The following L3MBTL4 variants were observed in gnomAD, a reference collection of about 807,000 sequenced individuals.
The protein encoded by L3MBTL4 is lethal(3)malignant brain tumor-like protein 4.
In L3MBTL4, 70 loss-of-function variants were observed where a neutral mutation model predicts 84.5. The observed-to-expected ratio is 0.83, with a 90% CI of 0.68 to 1.01. The LOEUF is 1.01. L3MBTL4 is among the 50% of genes least tolerant of loss of function. L3MBTL4 has a pLI of 0.00. For synonymous variants in L3MBTL4, 274 were observed against 259.8 expected (o/e 1.05, Z -0.52); for missense variants, 715 against 754.8 (o/e 0.95, Z 0.62).
At chr18:6,286,125 C>G (rs975630320) in intron 4 of L3MBTL4, among the ~76,000 whole-genome samples, 2 of 151,738 alleles carry the variant, frequency 1.3e-5, no homozygotes, top group Non-Finnish European at 2.9e-5. Context: ...CCACCATGCC[C>G]GGCCTGAACT....
At chr18:6,202,239 G>T (rs1468268204) in intron 12 of L3MBTL4, among the ~76,000 whole-genome samples, 1 of 152,122 alleles carries the variant, frequency 6.6e-6, no homozygotes, top group Non-Finnish European at 1.5e-5. Flanking sequence ...AGGGCTACCC[G>T]ATTTGTGAAT....
intron 4 of L3MBTL4, among the ~76,000 whole-genome samples, chr18:6,271,241 T>A (rs1369700386): frequency 6.6e-6 from 1 of 152,312 alleles, no homozygotes; most frequent in Non-Finnish European, 1.5e-5. Context: ...ATTTCAAATG[T>A]CCTCTCTGCA....
At chr18:6,206,325 T>C (rs2045874937) in intron 12 of L3MBTL4, among the ~76,000 whole-genome samples, 1 of 152,238 alleles carries the variant, frequency 6.6e-6, no homozygotes, top group South Asian at 2.1e-4. Flanking sequence ...CAACTAGTGC[T>C]ACATCATCAT....
rs71370550 is a variant in L3MBTL4, at chr18:6,318,494, TAAAAAA to T, written c.-90-6444_-90-6439del. ...AAAACAGACTTTCAAACAACAATAG[TAAAAAA>T]AAAAAAAAAAAAAAAAAAAAAAAAA... On this transcript the variant is annotated intron_variant, in intron 1 of 18. Coordinates refer to ENST00000317931, the MANE Select transcript of L3MBTL4 (RefSeq NM_001330559.2). Among the ~76,000 whole-genome samples the T allele has an allele frequency of 1.3e-3, 18 of 14,200 alleles. No individual in the cohort carries two copies. In the South Asian group the frequency reaches 0.019, roughly 15 times the overall value. The allele number at this position is 14,200 out of a possible 152,430, so 9.3% of individuals were successfully genotyped here.
intron 1 of L3MBTL4, among the ~76,000 whole-genome samples, chr18:6,375,981 C>T (rs1599831968): frequency 6.6e-6 from 1 of 152,286 alleles, no homozygotes; most frequent in South Asian, 2.1e-4. Context: ...AAGAACTCAT[C>T]CCTGCCCTGC....
chr18:6,348,212 A>G (rs1399073995), intron 1 of L3MBTL4, among the ~76,000 whole-genome samples: 2 of 152,098 alleles, frequency 1.3e-5, no homozygotes, highest in Non-Finnish European at 2.9e-5. Flanking sequence ...AAAGGTGACA[A>G]TTATGCCCAA....
At chr18:6,407,632 C>A (rs2055789853) in intron 1 of L3MBTL4, among the ~76,000 whole-genome samples, 1 of 151,990 alleles carries the variant, frequency 6.6e-6, no homozygotes, top group African/African-American at 2.4e-5. Context: ...TCAATAGAAC[C>A]CAAAGTCTTA....
intron 16 of L3MBTL4, among the ~76,000 whole-genome samples, chr18:6,071,987 A>C (rs1334429400): frequency 6.6e-6 from 1 of 152,168 alleles, no homozygotes; most frequent in African/African-American, 2.4e-5. Context: ...AAAGGACGGA[A>C]ATAAATATAA....
intron 1 of L3MBTL4, chr18:6,367,735 C>G (rs2053995913): frequency 6.6e-6 from 1 of 152,350 alleles, no homozygotes; most frequent in Non-Finnish European, 1.5e-5. Flanking sequence ...CACCCACTTC[C>G]AGATTTCCCA....
intron 5 of L3MBTL4, among the ~76,000 whole-genome samples, chr18:6,252,604 G>T (rs1047087482): frequency 2.0e-5 from 3 of 152,154 alleles, no homozygotes; most frequent in African/African-American, 7.2e-5. Flanking sequence ...AAATGACATA[G>T]TAATTCTTAA....
At chr18:6,133,036 T>C (rs1048874650) in intron 14 of L3MBTL4, among the ~76,000 whole-genome samples, 2 of 152,068 alleles carry the variant, frequency 1.3e-5, no homozygotes, top group Non-Finnish European at 2.9e-5. Context: ...AATACCATGG[T>C]GTGACGAACT....
intron 1 of L3MBTL4, among the ~76,000 whole-genome samples, chr18:6,385,389 G>A (rs1599862937): frequency 1.3e-5 from 2 of 152,144 alleles, no homozygotes; most frequent in South Asian, 2.1e-4. Flanking sequence ...GTGACAGAGC[G>A]AGACCCTGTC....
At chr18:6,128,440 A>G (rs17486103) in intron 14 of L3MBTL4, among the ~76,000 whole-genome samples, 22,143 of 152,162 alleles carry the variant, frequency 0.15, 1,729 homozygotes, top group Middle Eastern at 0.21. Flanking sequence ...GATAAATTAA[A>G]AAAAGCCCTA....
At chr18:6,348,730 T>C (rs1414367447) in intron 1 of L3MBTL4, among the ~76,000 whole-genome samples, 1 of 152,116 alleles carries the variant, frequency 6.6e-6, no homozygotes, top group Non-Finnish European at 1.5e-5. Flanking sequence ...ATTATGACCA[T>C]CTGTTCATTA....
In L3MBTL4 at chr18:6,124,317, G is replaced by A. The variant is rs182614448; in HGVS notation, c.1199+13877C>T. ...AATACTCAGAGGAAAAAATGGTCTC[G>A]TACAAAGGAGGACATTAGTCTCAAA... On this transcript the variant is annotated intron_variant, in intron 14 of 18. Coordinates refer to ENST00000317931, the MANE Select transcript of L3MBTL4 (RefSeq NM_001330559.2). Among the ~76,000 whole-genome samples, 21 of 151,434 alleles carry A rather than the reference G, an allele frequency of 1.4e-4. No individual in the cohort carries two copies. The East Asian group carries it at 1.9e-3, about 14-fold the overall frequency.
chr18:6,032,870 T>C (rs1238315081), intron 16 of L3MBTL4, among the ~76,000 whole-genome samples: 1 of 152,214 alleles, frequency 6.6e-6, no homozygotes, highest in Non-Finnish European at 1.5e-5. Context: ...TATGTGCAAA[T>C]TGCCTTCCTT....
intron 16 of L3MBTL4, among the ~76,000 whole-genome samples, chr18:5,971,992 T>C (rs1663747302): frequency 6.6e-6 from 1 of 152,204 alleles, no homozygotes; most frequent in Non-Finnish European, 1.5e-5. Flanking sequence ...ATCAAACTAT[T>C]TGAAGGGAAG....
At chr18:6,310,270 A>T (rs1395274367) in intron 3 of L3MBTL4, among the ~76,000 whole-genome samples, 1 of 152,220 alleles carries the variant, frequency 6.6e-6, no homozygotes, top group African/African-American at 2.4e-5. Flanking sequence ...GACACCTCTT[A>T]AATAGAAAGT....
Position 6,128,036 on chromosome 18 carries a change from G to C in L3MBTL4, c.1199+10158C>G, listed in dbSNP as rs200363801. 4.4e-4 allele frequency among the ~76,000 whole-genome samples: 60 copies of C among 135,018 alleles called. 1 individual carries two copies. Among genetic ancestry groups the C allele is most frequent in the East Asian group, 1.6e-3 (7 of 4,434 alleles). 88.6% of individuals were successfully genotyped at this position (135,018 alleles called of 152,430 possible). On this transcript the variant is annotated intron_variant, in intron 14 of 18. Coordinates refer to ENST00000317931, the MANE Select transcript of L3MBTL4 (RefSeq NM_001330559.2). Reference sequence around the variant, plus strand: ...GAATCAAAACAAAAATATTGGGTGGGGCGGGGGAAGAGTCAATGCAGGGAG... The same window carrying C: ...GAATCAAAACAAAAATATTGGGTGGCGCGGGGGAAGAGTCAATGCAGGGAG...
Sources: allele counts gnomAD v4.1 joint callset (sites outside exome capture counted in the v4.1 genomes callset), GRCh38; gene constraint gnomAD v4.1.1; transcripts MANE v1.5; gene names NCBI Gene and HGNC (gene_info 2026-07-23, HGNC 2026-07-21).